CELSR1: variants seen among roughly 807,000 people sequenced by gnomAD.
The protein encoded by CELSR1 is adhesion G protein-coupled receptor C1.
Under a neutral mutation model 249.1 loss-of-function variants are expected in CELSR1, and 110 were observed. The ratio of observed to expected loss-of-function variants is 0.44; its 90% CI spans 0.38 to 0.52. The LOEUF (loss-of-function observed/expected upper bound fraction) is 0.52. Ranked by LOEUF, CELSR1 falls within the 20% of genes least tolerant of loss-of-function variation. The probability of loss-of-function intolerance (pLI) is 0.00; values close to 1 mark genes in which losing one functional copy is unlikely to be tolerated. For synonymous variants in CELSR1, 2,113 were observed against 1,900.0 expected, an observed-to-expected ratio of 1.11 and a Z score of -2.92; for missense variants, 4,109 against 4,296.4, an observed-to-expected ratio of 0.96 and a Z score of 1.22.
At position 46,474,041 on chromosome 22, in the gene CELSR1, G is replaced by T. The variant is rs544217836; in HGVS notation, c.3545-9696C>A. ...AGCCACGAGAGGAAGAGTGAGCCTC[G>T]GACCCAGGAGAGCAGAGTCTCATCC... On this transcript the variant is annotated intron_variant, in intron 1 of 34. Coordinates refer to ENST00000674500, the MANE Select transcript of CELSR1 (RefSeq NM_001378328.1). Among the ~76,000 whole-genome samples, 5 of 152,234 alleles carry T rather than the reference G, an allele frequency of 3.3e-5. No individual in the cohort carries two copies. In the East Asian group the frequency reaches 9.6e-4, roughly 29 times the overall value.
At chr22:46,510,146 C>T (rs560403147) in intron 1 of CELSR1, among the ~76,000 whole-genome samples, 2 of 152,356 alleles carry the variant, frequency 1.3e-5, no homozygotes, top group South Asian at 2.1e-4. Flanking sequence ...GCACCCTCTG[C>T]GTCTGTCTCT....
Position 46,536,712 on chromosome 22 carries a change from TA to T in CELSR1, c.458del (p.Leu153TyrfsTer91). ...QHSALAAPTT[L>X]PACRCPPRPR... ...GGCGCGGCGGGCAGCGGCAGGCGGG[TA>T]AGGTGGTCGGAGCTGCGAGCGCCGA... is the stretch of plus-strand genomic sequence containing the variant. On this transcript the variant is annotated frameshift_variant, in exon 1 of 35. Transcript: ENST00000674500. LOFTEE classifies it high-confidence loss of function. The T allele has an allele frequency of 8.5e-7, 1 of 1,171,788 alleles. No homozygotes were observed. Among genetic ancestry groups the T allele is most frequent in the Non-Finnish European group, 1.1e-6 (1 of 951,800 alleles). The allele number at this position is 1,171,788 out of a possible 1,614,324, so 72.6% of individuals were successfully genotyped here.
intron 5 of CELSR1, among the ~76,000 whole-genome samples, chr22:46,420,663 TCATA>T (rs538256378): frequency 1.4e-4 from 22 of 152,286 alleles, no homozygotes; most frequent in South Asian, 6.2e-4. Context: ...TAACACATGC[TCATA>T]CAAAGTCATG....
chr22:46,462,957 G>A (rs978829946), intron 2 of CELSR1: 3 of 464,880 alleles, frequency 6.5e-6, no homozygotes, highest in Admixed American at 4.9e-5. Flanking sequence ...AGGATTTCAA[G>A]ACCCAAATGA....
intron 1 of CELSR1, among the ~76,000 whole-genome samples, chr22:46,469,906 C>T (rs1357369842): frequency 2.8e-5 from 1 of 35,848 alleles, no homozygotes; most frequent in East Asian, 7.6e-4. Flanking sequence ...CTGCTGCATC[C>T]GTCACATCTA....
At chr22:46,388,899 G>A (rs1385111796) in intron 18 of CELSR1, among the ~76,000 whole-genome samples, 1 of 152,336 alleles carries the variant, frequency 6.6e-6, no homozygotes, top group South Asian at 2.1e-4. Context: ...TGTGCCTTTG[G>A]GCAAACGCCT....
rs756988219 is a variant in CELSR1 at position 46,517,525 on chromosome 22, CTT to C, written c.3544+16100_3544+16101del. ...ACTGTCCCGGCGCCCCAGGCCGGCT[CTT>C]GTCTTGGTACCTCTGTCCACAGTAA... is the stretch of plus-strand genomic sequence containing the variant. On this transcript the variant is annotated intron_variant, in intron 1 of 34. Coordinates refer to ENST00000674500, the MANE Select transcript of CELSR1 (RefSeq NM_001378328.1). This position sits in a 1 kb window ranked among gnomAD's most constrained non-coding sequence, Gnocchi z 5.4. Among the ~76,000 whole-genome samples, 85 of 152,202 alleles carry C rather than the reference CTT, an allele frequency of 5.6e-4. 1 individual carries two copies. Among genetic ancestry groups the C allele is most frequent in the Admixed American group, 1.5e-3 (23 of 15,284 alleles).
At chr22:46,435,950 C>T (rs6007908) in intron 4 of CELSR1, among the ~76,000 whole-genome samples, 28,826 of 152,096 alleles carry the variant, frequency 0.19, 4,860 homozygotes, top group African/African-American at 0.45. Context: ...TCACCCACCT[C>T]GGCCTCCCAA....
rs201147867 is a variant in CELSR1 at position 46,436,279 on chromosome 22, G to C, written c.4417C>G (p.Gln1473Glu). 6.2e-7 allele frequency: 1 copy of C among 1,613,926 alleles called. No individual in the cohort carries two copies. Among genetic ancestry groups the C allele is most frequent in the Non-Finnish European group, 8.5e-7 (1 of 1,179,872 alleles). ...HFTISLTFAT[Q>E]ERNGLLLYNG... Reference sequence around the variant, plus strand: ...TAGAGAAGCAAGCCGTTCCTTTCCTGAGTGGCAAACCTGTGGGGCCAAGCA... The same window carrying C: ...TAGAGAAGCAAGCCGTTCCTTTCCTCAGTGGCAAACCTGTGGGGCCAAGCA... The change falls in exon 4 of 35, where the codon CAG becomes GAG. Residue 1473 changes from glutamine to glutamate, a missense_variant. By Grantham distance (29) the Gln-to-Glu change is conservative. Coordinates refer to ENST00000674500, the MANE Select transcript of CELSR1 (RefSeq NM_001378328.1). This position sits in a 1 kb window ranked among gnomAD's most constrained non-coding sequence, Gnocchi z 5.9.
At position 46,454,386 on chromosome 22, in the gene CELSR1, C is replaced by T. The variant is rs1316827767; in HGVS notation, c.4183+9321G>A. On this transcript the variant is annotated intron_variant, in intron 2 of 34. Transcript: ENST00000674500. This position sits in a 1 kb window ranked among gnomAD's most constrained non-coding sequence, Gnocchi z 5.1. ...GCGAGCGTGCCCAGCCCTGCTGTCA[C>T]GGAGCCCACACTCTCTCTGCAGAAG... Among the ~76,000 whole-genome samples the T allele has an allele frequency of 6.6e-6, 1 of 152,222 alleles. No individual in the cohort carries two copies. Among genetic ancestry groups the T allele is most frequent in the African/African-American group, 2.4e-5 (1 of 41,462 alleles).
rs1220538715 is a variant in CELSR1 at position 46,413,256 on chromosome 22, G to A, written c.4612-1497C>T. ...AAGTATCTATTTTGATCAGGGAAAC[G>A]AGGCTGAAAAGCAGGACACACAACT... On this transcript the variant is annotated intron_variant, in intron 5 of 34. Transcript: ENST00000674500. This position sits in a 1 kb window ranked among gnomAD's most constrained non-coding sequence, Gnocchi z 4.7. Among the ~76,000 whole-genome samples the A allele has an allele frequency of 2.6e-5, 4 of 152,314 alleles. No individual in the cohort carries two copies. Among genetic ancestry groups the A allele is most frequent in the Non-Finnish European group, 4.4e-5 (3 of 68,030 alleles).
At chr22:46,476,680 A>C (rs1040207386) in intron 1 of CELSR1, among the ~76,000 whole-genome samples, 4 of 152,066 alleles carry the variant, frequency 2.6e-5, no homozygotes, top group African/African-American at 7.2e-5. Flanking sequence ...GAAAGAAGCC[A>C]GACACGAAAG....
chr22:46,510,207 T>TA (rs2080558949), intron 1 of CELSR1, among the ~76,000 whole-genome samples: 2 of 151,986 alleles, frequency 1.3e-5, no homozygotes, highest in Non-Finnish European at 1.5e-5. Context: ...TGGTGTGAAA[T>TA]AAAAAAATGA....
intron 1 of CELSR1, chr22:46,530,637 T>C (rs948003486): frequency 1.3e-5 from 2 of 152,196 alleles, no homozygotes; most frequent in Admixed American, 1.3e-4. Flanking sequence ...TGGCAGCTAT[T>C]TGAATTTCAC....
At chr22:46,503,614 C>T (rs2080486716) in intron 1 of CELSR1, among the ~76,000 whole-genome samples, 1 of 152,196 alleles carries the variant, frequency 6.6e-6, no homozygotes, top group African/African-American at 2.4e-5. Flanking sequence ...CCTCATGCAA[C>T]CCTACGGGGT....
intron 1 of CELSR1, among the ~76,000 whole-genome samples, chr22:46,476,335 C>T (rs1307905668): frequency 6.6e-6 from 1 of 152,080 alleles, no homozygotes; most frequent in African/African-American, 2.4e-5. Context: ...GTGGCTCATG[C>T]CTGTAATCCC....
rs760336972 is a variant in CELSR1 at position 46,386,419 on chromosome 22, A to G, written c.6722T>C (p.Ile2241Thr). The G allele has an allele frequency of 1.5e-5, 24 of 1,583,524 alleles. No homozygotes were observed. The highest frequency in any genetic ancestry group is 1.9e-5 in the Non-Finnish European group (22 of 1,165,038). Residue 2241 changes from isoleucine to threonine, a missense_variant, in exon 19 of 35, where the codon ATC (isoleucine) becomes ACC (threonine). Ile to Thr is a moderately conservative substitution (Grantham distance 89). Coordinates refer to ENST00000674500, the MANE Select transcript of CELSR1 (RefSeq NM_001378328.1). ...VRRTYLRPFV[I>T]VTANMILAVD... ...CGCCTTACTCATGTTGGCGGTGACG[A>G]TGACGAAGGGCCGCAGGTACGTCCG...
At chr22:46,364,370 A>G (rs1212860403) in intron 33 of CELSR1, 119 bp from the exon 34 acceptor site, 8 of 1,517,004 alleles carry the variant, frequency 5.3e-6, no homozygotes, top group Non-Finnish European at 6.2e-6. Context: ...CCCGGGTCCC[A>G]GGGCTAGGCC....
rs55932520 is a variant in CELSR1 at position 46,474,788 on chromosome 22, C to CTTTTTTTTTTTTTT, written c.3545-10457_3545-10444dup. Reference sequence around the variant, plus strand: ...GTGACCATTATTCTACTCTCTACTTCTTTTTTTTTTTTTTTTTTGAGACGG... The same window carrying CTTTTTTTTTTTTTT: ...GTGACCATTATTCTACTCTCTACTTCTTTTTTTTTTTTTTTTTTTTTTTTTTTTTTTTGAGACGG... On this transcript the variant is annotated intron_variant, in intron 1 of 34. Transcript: ENST00000674500. Among the ~76,000 whole-genome samples, 54 of 89,630 alleles carry CTTTTTTTTTTTTTT rather than the reference C, an allele frequency of 6.0e-4. 5 individuals carry two copies. The highest frequency in any genetic ancestry group is 7.9e-4 in the African/African-American group (17 of 21,396). The allele number at this position is 89,630 out of a possible 152,430, so 58.8% of individuals were successfully genotyped here. A position where few individuals can be genotyped will look rare whatever the true frequency, so the allele number is the denominator to read the frequency against.
Sources: allele counts gnomAD v4.1 joint callset (sites outside exome capture counted in the v4.1 genomes callset), GRCh38; gene constraint gnomAD v4.1.1; non-coding constraint Gnocchi (gnomAD v3.1); transcripts MANE v1.5; gene names NCBI Gene and HGNC (gene_info 2026-07-23, HGNC 2026-07-21).